The following DDX52 variants were observed in gnomAD, a reference collection of about 807,000 sequenced individuals.
DDX52 encodes the protein probable ATP-dependent RNA helicase DDX52.
Under a neutral mutation model 76.1 loss-of-function variants are expected in DDX52, and 59 were observed. The ratio of observed to expected loss-of-function variants is 0.78; its 90% CI spans 0.63 to 0.96. DDX52 has a LOEUF of 0.96. Ranked by LOEUF, DDX52 falls within the 40% of genes least tolerant of loss-of-function variation. The pLI is 0.00. For missense variants in DDX52, 707 were observed against 703.9 expected (o/e 1.00, Z -0.05); for synonymous variants, 231 against 244.1 (o/e 0.95, Z 0.50).
At chr17:37,627,506 C>A (rs1376004331) in intron 6 of DDX52, among the ~76,000 whole-genome samples, 1 of 152,100 alleles carries the variant, frequency 6.6e-6, no homozygotes, top group African/African-American at 2.4e-5. Flanking sequence ...CTCAGCCTCC[C>A]AAAATGCCGG....
At chr17:37,636,526 C>A (rs369376105) in intron 2 of DDX52, among the ~76,000 whole-genome samples, 1 of 152,080 alleles carries the variant, frequency 6.6e-6, no homozygotes, top group Non-Finnish European at 1.5e-5. Flanking sequence ...TAAACTCATA[C>A]CAACTTGTTA....
chr17:37,625,386 A>G (rs745327294), intron 8 of DDX52, among the ~76,000 whole-genome samples: 45 of 152,146 alleles, frequency 3.0e-4, no homozygotes, highest in Admixed American at 1.3e-3. Context: ...GGTACTACAA[A>G]CACTTTTTCA....
chr17:37,630,237 A>C, intron 4 of DDX52, 64 bp from the exon 5 acceptor site: 1 of 1,441,650 alleles, frequency 6.9e-7, no homozygotes, highest in Non-Finnish European at 9.2e-7. Flanking sequence ...AGCCTGGTCA[A>C]ATAACGCTAC....
chr17:37,634,631 T>C (rs1171711358), intron 2 of DDX52, among the ~76,000 whole-genome samples: 1 of 151,814 alleles, frequency 6.6e-6, no homozygotes. Context: ...ACTCTGTCTC[T>C]AAATAAATAA....
intron 5 of DDX52, among the ~76,000 whole-genome samples, chr17:37,629,719 T>A (rs945172896): frequency 3.3e-5 from 5 of 152,154 alleles, no homozygotes; most frequent in African/African-American, 1.2e-4. Context: ...AGATGAGTAT[T>A]CATTTTTTTT....
chr17:37,639,913 A>C (rs2031108985), intron 2 of DDX52, among the ~76,000 whole-genome samples: 1 of 151,680 alleles, frequency 6.6e-6, no homozygotes, highest in Non-Finnish European at 1.5e-5. Flanking sequence ...GGTTTTATCA[A>C]ACTTCCTTGC....
Position 37,626,855 on chromosome 17 carries a change from G to C in DDX52, c.865C>G (p.Leu289Val). Residue 289 changes from leucine to valine, a missense_variant, in exon 7 of 15, where the codon CTT becomes GTT. Physicochemically the swap from Leu to Val is conservative, Grantham distance 32. Transcript: ENST00000617633. ...ATTAGTCGATTTGGAGTAGTCACAA[G>C]AATATCTATAGGAAAAACAAATGGT... ...GPKSSKKFDI[L>V]VTTPNRLIYL... 1 of 1,609,822 alleles carries C rather than the reference G, an allele frequency of 6.2e-7. No individual in the cohort carries two copies. The highest frequency in any genetic ancestry group is 8.5e-7 in the Non-Finnish European group (1 of 1,178,798).
At chr17:37,637,943 G>C (rs2031008633) in intron 2 of DDX52, among the ~76,000 whole-genome samples, 1 of 152,128 alleles carries the variant, frequency 6.6e-6, no homozygotes, top group Admixed American at 6.5e-5. Flanking sequence ...CAAAACCACT[G>C]CTCCCAAATC....
At position 37,610,240 on chromosome 17, in the gene DDX52, C is replaced by G. The variant is rs1484088221; in HGVS notation, c.*4056G>C. The G allele has an allele frequency of 1.3e-5, 2 of 151,398 alleles. No individual in the cohort carries two copies. The highest frequency in any genetic ancestry group is 4.9e-5 in the African/African-American group (2 of 41,030). 9.4% of individuals were successfully genotyped at this position (151,398 alleles called of 1,614,324 possible). On this transcript the variant is annotated 3_prime_UTR_variant, in exon 15 of 15. Coordinates refer to ENST00000617633, the MANE Select transcript of DDX52 (RefSeq NM_007010.5). ...CCTGGCTCAAGCGATCCTCTCGCCT[C>G]AGCCTCCTGAGTAGCTGGGACCACA...
chr17:37,620,838 T>C (rs1035878784), intron 12 of DDX52, 35 bp downstream of exon 12: 8 of 1,558,444 alleles, frequency 5.1e-6, no homozygotes, highest in Non-Finnish European at 6.9e-6. Context: ...TGAAGCAATT[T>C]TGCCAATAAC....
At position 37,621,126 on chromosome 17, in the gene DDX52, C is replaced by T; in HGVS notation, c.1501+1G>A. 1 of 1,606,814 alleles carries T rather than the reference C, an allele frequency of 6.2e-7. No individual in the cohort carries two copies. Among genetic ancestry groups the T allele is most frequent in the Non-Finnish European group, 8.5e-7 (1 of 1,177,380 alleles). On this transcript the variant is annotated splice_donor_variant, in intron 11 of 14. Transcript: ENST00000617633. LOFTEE classifies it high-confidence loss of function. ...GGGGAAGGAAAAAAAAGACAACTCA[C>T]CTATCCTGTGGATATATTCCACTGA... is the stretch of plus-strand genomic sequence containing the variant.
rs2064362771 is a variant in DDX52 at position 37,611,430 on chromosome 17, T to C, written c.*2866A>G. The C allele has an allele frequency of 6.6e-6, 1 of 152,118 alleles. No individual in the cohort carries two copies. The allele number at this position is 152,118 out of a possible 1,614,324, so 9.4% of individuals were successfully genotyped here. ...AGAATAAGGATATAAAGAAATAAAG[T>C]ATTTTTCTACAGCTGTACATTTGCA... On this transcript the variant is annotated 3_prime_UTR_variant, in exon 15 of 15. Transcript: ENST00000617633.
chr17:37,615,715 T>C (rs1256323404), intron 14 of DDX52, among the ~76,000 whole-genome samples: 1 of 151,808 alleles, frequency 6.6e-6, no homozygotes, highest in African/African-American at 2.4e-5. Context: ...GTATAAATGC[T>C]ATAAACTTAT....
chr17:37,627,923 A>G (rs2030472624), intron 6 of DDX52, among the ~76,000 whole-genome samples: 1 of 151,950 alleles, frequency 6.6e-6, no homozygotes, highest in Non-Finnish European at 1.5e-5. Context: ...ATGCACCACC[A>G]TGCCTGGCTA....
intron 9 of DDX52, 97 bp from the exon 10 acceptor site, chr17:37,621,617 T>C (rs1598754117): frequency 1.6e-5 from 23 of 1,447,342 alleles, no homozygotes; most frequent in African/African-American, 1.0e-4. Context: ...CCCAATTCAA[T>C]TTAGTGTACT....
At chr17:37,632,418 T>C (rs2030726473) in intron 3 of DDX52, 120 bp from the exon 4 acceptor site, 1 of 1,081,130 alleles carries the variant, frequency 9.2e-7, no homozygotes, top group East Asian at 2.5e-5. Context: ...ACTTTTTGGT[T>C]AAATCCAAGA....
intron 7 of DDX52, 52 bp downstream of exon 7, chr17:37,626,736 T>C: frequency 6.4e-7 from 1 of 1,556,894 alleles, no homozygotes; most frequent in Non-Finnish European, 8.8e-7. Context: ...GGACAAAATA[T>C]AATTAACTAA....
intron 3 of DDX52, among the ~76,000 whole-genome samples, chr17:37,632,830 A>T (rs1326746660): frequency 6.6e-6 from 1 of 152,198 alleles, no homozygotes; most frequent in Non-Finnish European, 1.5e-5. Context: ...CAGCAGACAC[A>T]AAAAAGGTAT....
In DDX52 at chr17:37,614,159, C is replaced by G; in HGVS notation, c.*137G>C. ...GACTTGATAGTTTAGGATCATTTATCACCAGTCCCATGTACTTGTAGTTGA... is the reference window on the plus strand; with the variant it reads ...GACTTGATAGTTTAGGATCATTTATGACCAGTCCCATGTACTTGTAGTTGA... On this transcript the variant is annotated 3_prime_UTR_variant, in exon 15 of 15. Coordinates refer to ENST00000617633, the MANE Select transcript of DDX52 (RefSeq NM_007010.5). The G allele has an allele frequency of 3.5e-6, 3 of 860,874 alleles. No homozygotes were observed. Among genetic ancestry groups the G allele is most frequent in the Non-Finnish European group, 5.2e-6 (3 of 575,720 alleles). The allele number at this position is 860,874 out of a possible 1,614,324, so 53.3% of individuals were successfully genotyped here.
Sources: allele counts gnomAD v4.1 joint callset (sites outside exome capture counted in the v4.1 genomes callset), GRCh38; gene constraint gnomAD v4.1.1; transcripts MANE v1.5; gene names NCBI Gene and HGNC (gene_info 2026-07-23, HGNC 2026-07-21).